GPR26: variants seen among roughly 807,000 people sequenced by gnomAD.
GPR26 encodes G protein-coupled receptor 26.
GPR26 carries 15 observed loss-of-function variants against 23.1 expected under a neutral mutation model. The observed-to-expected ratio is 0.65, with a 90% CI of 0.43 to 1.00. The LOEUF is 1.00. Among genes scored for constraint, GPR26 ranks in the 50% least tolerant of loss-of-function variants. GPR26 has a pLI of 0.00. For synonymous variants in GPR26, 228 were observed against 222.1 expected, an observed-to-expected ratio of 1.03 and a Z score of -0.24; for missense variants, 359 against 470.5, an observed-to-expected ratio of 0.76 and a Z score of 2.19.
Position 123,688,436 on chromosome 10 carries a change from C to A in GPR26, c.*276C>A, listed in dbSNP as rs923721936. 9 of 449,924 alleles carry A rather than the reference C, an allele frequency of 2.0e-5. No homozygotes were observed. Among genetic ancestry groups the A allele is most frequent in the African/African-American group, 1.8e-4 (9 of 50,516 alleles). 27.9% of individuals were successfully genotyped at this position (449,924 alleles called of 1,614,324 possible). A position where few individuals can be genotyped will look rare whatever the true frequency, so the allele number is the denominator to read the frequency against. On this transcript the variant is annotated 3_prime_UTR_variant, in exon 3 of 3. Coordinates refer to ENST00000284674, the MANE Select transcript of GPR26 (RefSeq NM_153442.4). The stretch of plus-strand genomic sequence containing the variant: ...TGAGCTCCTGGACTCACCTGAGGCT[C>A]CCTGGGGGATGACACTCAGTTCTGT...
At chr10:123,678,062 T>C (rs2133926458) in intron 2 of GPR26, among the ~76,000 whole-genome samples, 1 of 152,328 alleles carries the variant, frequency 6.6e-6, no homozygotes. Context: ...CAGGGCAACA[T>C]AGTGAGACCT....
Position 123,666,740 on chromosome 10 carries a change from G to C in GPR26, c.333G>C (p.Pro111=), listed in dbSNP as rs1420533517. The change falls in exon 1 of 3, where the codon CCG becomes CCC. Residue 111 remains proline (P), a synonymous_variant. Coordinates refer to ENST00000284674, the MANE Select transcript of GPR26 (RefSeq NM_153442.4). ...ACCGCTGGGTGGCCGTGGTCTTCCC[G>C]CTGAGCTACCGGGCCAAGATGCGCC... The part of the protein sequence containing the change: ...SIDRWVAVVF[P]LSYRAKMRLR... The C allele has an allele frequency of 1.3e-6, 2 of 1,598,302 alleles. No homozygotes were observed. Among genetic ancestry groups the C allele is most frequent in the Middle Eastern group, 1.7e-4 (1 of 6,036 alleles).
chr10:123,672,125 C>T (rs894765969), intron 1 of GPR26, among the ~76,000 whole-genome samples: 2 of 152,174 alleles, frequency 1.3e-5, no homozygotes, highest in African/African-American at 4.8e-5. Context: ...ATGGATTCAT[C>T]CTTTTCTTTT....
At chr10:123,682,783 G>T (rs543546051) in intron 2 of GPR26, among the ~76,000 whole-genome samples, 2 of 151,146 alleles carry the variant, frequency 1.3e-5, no homozygotes, top group African/African-American at 4.9e-5. Flanking sequence ...CATATGCAGG[G>T]GATTCCCAAA....
At chr10:123,669,623 G>A (rs1845228366) in intron 1 of GPR26, among the ~76,000 whole-genome samples, 1 of 152,210 alleles carries the variant, frequency 6.6e-6, no homozygotes, top group Admixed American at 6.5e-5. Context: ...CTGATGGCCT[G>A]CTAGGACTTA....
chr10:123,683,446 TC>T (rs1168723283), intron 2 of GPR26, among the ~76,000 whole-genome samples: 39 of 152,344 alleles, frequency 2.6e-4, no homozygotes. Flanking sequence ...GGGGTTATGG[TC>T]CTGTTCTCAC....
chr10:123,680,261 T>C (rs72841603), intron 2 of GPR26, among the ~76,000 whole-genome samples: 7,146 of 152,298 alleles, frequency 0.047, 206 homozygotes, highest in African/African-American at 0.053. Flanking sequence ...TGGAGCTTGT[T>C]TGAGCTAAGA....
rs1418346045 is a variant in GPR26, at chr10:123,666,370, G to A, written c.-38G>A. ...CCGCGGGCAGCGCCATGGCGGCGCC[G>A]GGTTGCGGACCCTGAGCGCCGGCGC... On this transcript the variant is annotated 5_prime_UTR_variant, in exon 1 of 3. Transcript: ENST00000284674. The A allele has an allele frequency of 3.1e-6, 4 of 1,286,926 alleles. No homozygotes were observed. Among genetic ancestry groups the A allele is most frequent in the East Asian group, 3.2e-5 (1 of 31,578 alleles). The allele number at this position is 1,286,926 out of a possible 1,614,324, so 79.7% of individuals were successfully genotyped here.
At chr10:123,684,583 C>G (rs867832227) in intron 2 of GPR26, among the ~76,000 whole-genome samples, 18 of 152,346 alleles carry the variant, frequency 1.2e-4, no homozygotes, top group Non-Finnish European at 1.6e-4. Flanking sequence ...GAAGAGCTCA[C>G]TCCACCCATT....
At chr10:123,685,532 T>C (rs1357451286) in intron 2 of GPR26, among the ~76,000 whole-genome samples, 4 of 152,226 alleles carry the variant, frequency 2.6e-5, no homozygotes, top group Non-Finnish European at 4.4e-5. Flanking sequence ...GTGGCAGCAG[T>C]GTCCAGGCCT....
At chr10:123,667,418 T>C (rs529602211) in intron 1 of GPR26, among the ~76,000 whole-genome samples, 1 of 152,312 alleles carries the variant, frequency 6.6e-6, no homozygotes, top group Admixed American at 6.5e-5. Flanking sequence ...TTGTTCCCTA[T>C]TAAAGACCTT....
At chr10:123,683,840 C>A (rs1177567637) in intron 2 of GPR26, among the ~76,000 whole-genome samples, 2 of 152,176 alleles carry the variant, frequency 1.3e-5, no homozygotes, top group East Asian at 3.9e-4. Flanking sequence ...CTGTGTCTCA[C>A]CCTAAGTCAG....
chr10:123,677,935 A>C (rs1456097850), intron 2 of GPR26, among the ~76,000 whole-genome samples: 1 of 151,904 alleles, frequency 6.6e-6, no homozygotes, highest in Admixed American at 6.6e-5. Context: ...AGCATGACAC[A>C]CTCTATATAT....
chr10:123,675,832 A>AAGTGTGTGTGTGTGTGTGTG, intron 2 of GPR26, among the ~76,000 whole-genome samples: 1 of 45,372 alleles, frequency 2.2e-5, no homozygotes, highest in Admixed American at 2.2e-4. Flanking sequence ...GTGTGTGTGT[A>AAGTGTGTGTGTGTGTGTGTG]CGTGTGTGTG....
intron 2 of GPR26, among the ~76,000 whole-genome samples, chr10:123,680,831 G>C (rs1447383080): frequency 3.9e-5 from 5 of 128,382 alleles, no homozygotes; most frequent in South Asian, 2.6e-4. Context: ...TTTTTTTGGG[G>C]GGGGGGGTTG....
rs1029853794 is a variant in GPR26, at chr10:123,696,608, A to G, written c.*8448A>G. Among the ~76,000 whole-genome samples the G allele has an allele frequency of 5.3e-5, 8 of 152,218 alleles. No homozygotes were observed. The highest frequency in any genetic ancestry group is 3.9e-4 in the Admixed American group (6 of 15,290). On this transcript the variant is annotated 3_prime_UTR_variant, in exon 3 of 3. Coordinates refer to ENST00000284674, the MANE Select transcript of GPR26 (RefSeq NM_153442.4). ...AAACCAGGATTTAGAAAAATAAAAG[A>G]TATTTCTTTCCTGGGGACAAAGTGA... is the stretch of plus-strand genomic sequence containing the variant.
rs1360852264 is a variant in GPR26 at position 123,691,280 on chromosome 10, C to T, written c.*3120C>T. The T allele has an allele frequency of 6.6e-6, 1 of 152,140 alleles. No homozygotes were observed. Among genetic ancestry groups the T allele is most frequent in the Non-Finnish European group, 1.5e-5 (1 of 68,016 alleles). The allele number at this position is 152,140 out of a possible 1,614,324, so 9.4% of individuals were successfully genotyped here. A position where few individuals can be genotyped will look rare whatever the true frequency, so the allele number is the denominator to read the frequency against. Reference sequence around the variant, plus strand: ...CACCTGCCTGTTTTTACTTAGAAAGCAGGCTTGGGCAGGAGGGGAAATGGA... The same window carrying T: ...CACCTGCCTGTTTTTACTTAGAAAGTAGGCTTGGGCAGGAGGGGAAATGGA... On this transcript the variant is annotated 3_prime_UTR_variant, in exon 3 of 3. Transcript: ENST00000284674.
At chr10:123,685,919 C>T (rs1163811153) in intron 2 of GPR26, among the ~76,000 whole-genome samples, 1 of 152,140 alleles carries the variant, frequency 6.6e-6, no homozygotes, top group East Asian at 1.9e-4. Flanking sequence ...AGAGATTGTA[C>T]ACATAAGTGC....
At chr10:123,675,284 T>C (rs1845291649) in intron 2 of GPR26, among the ~76,000 whole-genome samples, 1 of 151,778 alleles carries the variant, frequency 6.6e-6, no homozygotes, top group Non-Finnish European at 1.5e-5. Flanking sequence ...AAAACCCAGC[T>C]CCCCACATCC....
Sources: gnomAD v4.1 joint callset for allele counts (sites outside exome capture counted in the v4.1 genomes callset) on GRCh38, gnomAD v4.1.1 for gene constraint, MANE v1.5 for transcripts, NCBI Gene and HGNC (gene_info 2026-07-23, HGNC 2026-07-21) for gene names.